CBR4: variants seen among roughly 807,000 people sequenced by gnomAD.
CBR4 encodes carbonyl reductase 4.
In CBR4, 22 loss-of-function variants were observed where a neutral mutation model predicts 21.0. The ratio of observed to expected loss-of-function variants is 1.05; its 90% CI spans 0.75 to 1.50. The LOEUF (loss-of-function observed/expected upper bound fraction) is 1.50, where lower values mean the gene tolerates loss of function less well. Ranked by LOEUF, CBR4 falls within the 40% of genes most tolerant of loss-of-function variation. The probability of loss-of-function intolerance (pLI) is 0.00; values close to 1 mark genes in which losing one functional copy is unlikely to be tolerated. For missense variants in CBR4, 302 were observed against 286.3 expected (o/e 1.05, Z -0.40); for synonymous variants, 100 against 104.4 (o/e 0.96, Z 0.26).
rs954262485 is a variant in CBR4, at chr4:168,928,724, GCTCT to G, written n.170-33963_170-33960del. Among the ~76,000 whole-genome samples, 147 of 152,252 alleles carry G rather than the reference GCTCT, an allele frequency of 9.7e-4. 1 individual carries two copies. Among genetic ancestry groups the G allele is most frequent in the African/African-American group, 3.4e-3 (142 of 41,538 alleles). On this transcript the variant is annotated intron_variant and non_coding_transcript_variant, in intron 2 of 3. Coordinates refer to the CBR4 transcript ENST00000509108. ...GTCTCCTTTAGTCCCTCAGCCAGGA[GCTCT>G]CTCTCTCAGCTCCTGAAGGCCGCCT...
intron 2 of CBR4, among the ~76,000 whole-genome samples, chr4:168,900,058 A>C (rs1003274959): frequency 6.6e-6 from 1 of 152,220 alleles, no homozygotes; most frequent in South Asian, 2.1e-4. Context: ...AAAAAGGTGA[A>C]TCACACAGCA....
intron 2 of CBR4, chr4:168,904,291 T>C (rs527374643): frequency 1.9e-5 from 4 of 210,072 alleles, no homozygotes; most frequent in African/African-American, 4.5e-5. Flanking sequence ...GTGGCATGCA[T>C]AGGCTGTATA....
chr4:168,925,370 C>T (rs907887258), intron 2 of CBR4: 2 of 957,278 alleles, frequency 2.1e-6, no homozygotes, highest in African/African-American at 3.2e-5. Flanking sequence ...ACTCAAGCAT[C>T]CTTAGGAGTT....
chr4:168,895,264 C>G (rs1451761538), intron 2 of CBR4, among the ~76,000 whole-genome samples: 2 of 152,138 alleles, frequency 1.3e-5, no homozygotes, highest in Non-Finnish European at 2.9e-5. Context: ...CACCTGTAGT[C>G]CCAGCTACTC....
At chr4:168,932,503 A>C (rs1190469775) in intron 2 of CBR4, among the ~76,000 whole-genome samples, 1 of 152,174 alleles carries the variant, frequency 6.6e-6, no homozygotes, top group Non-Finnish European at 1.5e-5. Flanking sequence ...AGGTATAGAA[A>C]ACAGATTTAA....
intron 2 of CBR4, among the ~76,000 whole-genome samples, chr4:168,913,094 A>G (rs1417320235): frequency 6.6e-6 from 1 of 150,780 alleles, no homozygotes; most frequent in Non-Finnish European, 1.5e-5. Flanking sequence ...TCATTTTATC[A>G]TGCTCATTTT....
chr4:168,894,997 C>A lies in CBR4; in HGVS notation n.170-232G>T, dbSNP rs10009390. Among the ~76,000 whole-genome samples, 404 of 152,114 alleles carry A rather than the reference C, an allele frequency of 2.7e-3. 2 individuals carry two copies. The highest frequency in any genetic ancestry group is 9.4e-3 in the African/African-American group (391 of 41,488). On this transcript the variant is annotated intron_variant and non_coding_transcript_variant, in intron 2 of 3. Coordinates refer to the CBR4 transcript ENST00000509108. ...TTTGTGTGGAGAAACACATTTTCGCCGACATTGTCTGAAATAACTAGTGAA... is the reference window on the plus strand; with the variant it reads ...TTTGTGTGGAGAAACACATTTTCGCAGACATTGTCTGAAATAACTAGTGAA...
At chr4:168,974,273 A>G (rs374151460) in intron 2 of CBR4, among the ~76,000 whole-genome samples, 8 of 152,286 alleles carry the variant, frequency 5.3e-5, no homozygotes, top group African/African-American at 1.9e-4. Flanking sequence ...CTGCTGAGAA[A>G]ACTGCTGGAA....
chr4:168,956,061 C>A (rs1763676596), intron 2 of CBR4, among the ~76,000 whole-genome samples: 1 of 152,180 alleles, frequency 6.6e-6, no homozygotes, highest in African/African-American at 2.4e-5. Flanking sequence ...AGTATTCACT[C>A]TCTGAGATAT....
At chr4:168,973,801 A>G (rs1286430260) in intron 2 of CBR4, among the ~76,000 whole-genome samples, 2 of 152,178 alleles carry the variant, frequency 1.3e-5, no homozygotes, top group African/African-American at 2.4e-5. Context: ...GAATGTATCT[A>G]TCTCCTCTAG....
At chr4:168,908,148 T>G (rs1758194580) in intron 2 of CBR4, among the ~76,000 whole-genome samples, 1 of 152,216 alleles carries the variant, frequency 6.6e-6, no homozygotes, top group Non-Finnish European at 1.5e-5. Context: ...CCTAGTTGAT[T>G]TTAATTCCAA....
Position 168,989,364 on chromosome 4 carries a change from T to C in CBR4, c.*786A>G, listed in dbSNP as rs1764806735. ...CTTAAGGGCTAATCCTCTTCACTTA[T>C]GAGAATTTCTCAAGAATGAGTCAAA... On this transcript the variant is annotated 3_prime_UTR_variant, in exon 5 of 5. Transcript: ENST00000306193. 5 of 985,388 alleles carry C rather than the reference T, an allele frequency of 5.1e-6. No homozygotes were observed. The highest frequency in any genetic ancestry group is 6.0e-6 in the Non-Finnish European group (5 of 829,866). 61.0% of individuals were successfully genotyped at this position (985,388 alleles called of 1,614,324 possible).
intron 2 of CBR4, among the ~76,000 whole-genome samples, chr4:168,931,473 G>C (rs1187741300): frequency 6.6e-6 from 1 of 151,966 alleles, no homozygotes; most frequent in Non-Finnish European, 1.5e-5. Context: ...CCCTGGGCCA[G>C]GTGAGCTGTC....
Position 169,002,069 on chromosome 4 carries a change from A to G in CBR4, c.535+2T>C. On this transcript the variant is annotated splice_donor_variant, in intron 4 of 4. Coordinates refer to ENST00000306193, the MANE Select transcript of CBR4 (RefSeq NM_032783.5). LOFTEE classifies it high-confidence loss of function. The stretch of plus-strand genomic sequence containing the variant: ...AGTTATTTTAATAAAGTTTTCACTA[A>G]CCTGGTGCAACTACATTCACTCTAA... 6.4e-7 allele frequency: 1 copy of G among 1,569,870 alleles called. No homozygotes were observed. Among genetic ancestry groups the G allele is most frequent in the African/African-American group, 1.4e-5 (1 of 72,460 alleles).
At position 168,921,577 on chromosome 4, in the gene CBR4, G is replaced by A. The variant is rs760392120; in HGVS notation, n.170-26812C>T. The A allele has an allele frequency of 2.2e-5, 35 of 1,608,976 alleles. No individual in the cohort carries two copies. The highest frequency in any genetic ancestry group is 1.1e-5 in the Non-Finnish European group (13 of 1,179,004). On this transcript the variant is annotated intron_variant and non_coding_transcript_variant, in intron 2 of 3. Coordinates refer to the CBR4 transcript ENST00000509108. ...CCAGATCTAAGCTGGCAACTAGATG[G>A]AAAGCCCGTACGCCCTGACAGTGCT...
Position 169,005,880 on chromosome 4 carries a change from C to T in CBR4, c.400+875G>A, listed in dbSNP as rs1019681255. ...TCCTACATTTAAAAGAACAGGGTCACTTACTTTTATGGAGCAGCATCTCCC... is the reference window on the plus strand; with the variant it reads ...TCCTACATTTAAAAGAACAGGGTCATTTACTTTTATGGAGCAGCATCTCCC... On this transcript the variant is annotated intron_variant, in intron 3 of 4. Transcript: ENST00000306193. The T allele has an allele frequency of 4.7e-6, 6 of 1,288,406 alleles. No homozygotes were observed. In the African/African-American group the frequency reaches 7.6e-5, roughly 16 times the overall value. 79.8% of individuals were successfully genotyped at this position (1,288,406 alleles called of 1,614,324 possible).
At chr4:168,952,876 T>A (rs1279193591) in intron 2 of CBR4, among the ~76,000 whole-genome samples, 1 of 152,174 alleles carries the variant, frequency 6.6e-6, no homozygotes, top group Non-Finnish European at 1.5e-5. Flanking sequence ...TAATGTTCTA[T>A]TTTTGTGCTG....
At chr4:168,896,450 T>C in intron 2 of CBR4, 1 of 738,934 alleles carries the variant, frequency 1.4e-6, no homozygotes, top group Admixed American at 2.0e-5. Context: ...CAAACGCATA[T>C]TGCTAGCACA....
chr4:168,931,901 A>C (rs1205091613), intron 2 of CBR4, among the ~76,000 whole-genome samples: 18 of 148,918 alleles, frequency 1.2e-4, no homozygotes, highest in Admixed American at 9.4e-4. Context: ...AAGCCAACAC[A>C]CCCCCCCTAA....
Sources: gnomAD v4.1 joint callset for allele counts (sites outside exome capture counted in the v4.1 genomes callset) on GRCh38, gnomAD v4.1.1 for gene constraint, MANE v1.5 for transcripts, NCBI Gene and HGNC (gene_info 2026-07-23, HGNC 2026-07-21) for gene names.